Variants in CHCHD6 observed in about 807,000 individuals in gnomAD.
CHCHD6 encodes the protein MICOS complex subunit MIC25.
In CHCHD6, 28 loss-of-function variants were observed where a neutral mutation model predicts 32.3. The observed-to-expected ratio is 0.87, with a 90% CI of 0.64 to 1.19. The LOEUF (loss-of-function observed/expected upper bound fraction) is 1.19, where lower values mean the gene tolerates loss of function less well. CHCHD6 is among the 50% of genes most tolerant of loss of function. CHCHD6 has a pLI of 0.00. For missense variants in CHCHD6, 333 were observed against 307.0 expected (o/e 1.08, Z -0.63); for synonymous variants, 122 against 117.5 (o/e 1.04, Z -0.25).
At chr3:126,715,045 AG>A (rs1934945085) in intron 1 of CHCHD6, among the ~76,000 whole-genome samples, 1 of 152,154 alleles carries the variant, frequency 6.6e-6, no homozygotes, top group African/African-American at 2.4e-5. Context: ...TTTTTAAAGT[AG>A]GTTGTCTGTT....
intron 5 of CHCHD6, among the ~76,000 whole-genome samples, chr3:126,884,458 T>C (rs2077653502): frequency 6.6e-6 from 1 of 152,190 alleles, no homozygotes; most frequent in African/African-American, 2.4e-5. Flanking sequence ...TCCAGCTATC[T>C]ACCAACATTT....
At chr3:126,714,784 A>G (rs1934931392) in intron 1 of CHCHD6, among the ~76,000 whole-genome samples, 1 of 152,100 alleles carries the variant, frequency 6.6e-6, no homozygotes, top group African/African-American at 2.4e-5. Flanking sequence ...ATGGCTGCGT[A>G]GGCCTGTCTC....
At chr3:126,716,398 C>T (rs1935017955) in intron 1 of CHCHD6, among the ~76,000 whole-genome samples, 1 of 152,160 alleles carries the variant, frequency 6.6e-6, no homozygotes, top group South Asian at 2.1e-4. Context: ...CTAGCTGGAA[C>T]TCGGAGTTCC....
intron 6 of CHCHD6, chr3:126,953,306 C>A: frequency 4.7e-6 from 1 of 210,974 alleles, no homozygotes; most frequent in Non-Finnish European, 8.2e-6. Flanking sequence ...CCCTAACATG[C>A]CTGAGGAGGA....
chr3:126,843,710 A>G (rs754626135), intron 4 of CHCHD6, among the ~76,000 whole-genome samples: 1 of 152,182 alleles, frequency 6.6e-6, no homozygotes, highest in African/African-American at 2.4e-5. Flanking sequence ...TTTTTCCACT[A>G]CCACTGTCTC....
At chr3:126,725,158 A>G (rs1205648634) in intron 1 of CHCHD6, among the ~76,000 whole-genome samples, 1 of 152,232 alleles carries the variant, frequency 6.6e-6, no homozygotes, top group Admixed American at 6.5e-5. Flanking sequence ...AGGAGTCACT[A>G]TGTATGGCAG....
intron 4 of CHCHD6, among the ~76,000 whole-genome samples, chr3:126,847,151 A>G (rs143650535): frequency 6.6e-6 from 1 of 152,202 alleles, no homozygotes; most frequent in Non-Finnish European, 1.5e-5. Flanking sequence ...TGTGGTTTCT[A>G]TGGGTCAGGG....
intron 1 of CHCHD6, among the ~76,000 whole-genome samples, chr3:126,719,063 C>T (rs4679285): frequency 0.14 from 21,423 of 152,176 alleles, 1,647 homozygotes; most frequent in South Asian, 0.29. Flanking sequence ...CTGTGCAGAA[C>T]CCCCGCAGTG....
chr3:126,834,850 G>A (rs1034745187), intron 4 of CHCHD6, among the ~76,000 whole-genome samples: 8 of 152,082 alleles, frequency 5.3e-5, no homozygotes, highest in African/African-American at 4.8e-5. Context: ...CTTGACAGTC[G>A]GCAACAGCAG....
At chr3:126,891,372 G>A (rs1384043824) in intron 5 of CHCHD6, among the ~76,000 whole-genome samples, 1 of 152,148 alleles carries the variant, frequency 6.6e-6, no homozygotes, top group Non-Finnish European at 1.5e-5. Context: ...GCCCTGAGGT[G>A]GAAATGCACC....
At chr3:126,914,610 G>A in intron 5 of CHCHD6, 70 bp from the exon 6 acceptor site, 1 of 846,680 alleles carries the variant, frequency 1.2e-6, no homozygotes, top group Non-Finnish European at 2.1e-6. Flanking sequence ...TTTCTAATGT[G>A]GTTGCATCCC....
At position 126,786,994 on chromosome 3, in the gene CHCHD6, T is replaced by C. The variant is rs1340126535; in HGVS notation, c.411+53772T>C. Among the ~76,000 whole-genome samples, 4 of 152,334 alleles carry C rather than the reference T, an allele frequency of 2.6e-5. No homozygotes were observed. The East Asian group carries it at 7.7e-4, about 29-fold the overall frequency. On this transcript the variant is annotated intron_variant, in intron 4 of 7. Transcript: ENST00000290913. ...AAGTCTTTAATCCATCTTGAACTAA[T>C]TGTTGTATAAGGTGTAAGGAAAGGA...
In CHCHD6 at chr3:126,914,729, C is replaced by T; in HGVS notation, c.545C>T (p.Ser182Leu). ...LSSEQFHEAASKMESTIKPRR... is the reference protein window; with the variant it reads ...LSSEQFHEAALKMESTIKPRR... ...TCAGAGCAATTCCATGAGGCAGCCT[C>T]AAAGATGGAGAGCACAATAAAGTAA... The change falls in exon 6 of 8, where the codon TCA (serine) becomes TTA (leucine). Residue 182 changes from serine to leucine, a missense_variant. Physicochemically the swap from Ser to Leu is moderately radical, Grantham distance 145 (BLOSUM62 -2). Coordinates refer to ENST00000290913, the MANE Select transcript of CHCHD6 (RefSeq NM_032343.3). The T allele has an allele frequency of 6.3e-7, 1 of 1,587,196 alleles. No homozygotes were observed.
At chr3:126,845,447 T>A (rs1941261670) in intron 4 of CHCHD6, among the ~76,000 whole-genome samples, 1 of 152,244 alleles carries the variant, frequency 6.6e-6, no homozygotes, top group African/African-American at 2.4e-5. Context: ...AAAAGCTTCC[T>A]GCTTGGAATT....
chr3:126,864,761 C>T (rs1351668414), intron 5 of CHCHD6, among the ~76,000 whole-genome samples: 1 of 144,396 alleles, frequency 6.9e-6, no homozygotes, highest in Admixed American at 6.7e-5. Context: ...TACTCCTCCT[C>T]CACCATCACC....
intron 4 of CHCHD6, among the ~76,000 whole-genome samples, chr3:126,797,485 G>A (rs1938850964): frequency 6.6e-6 from 1 of 152,156 alleles, no homozygotes; most frequent in Non-Finnish European, 1.5e-5. Context: ...CCACTTATTT[G>A]TAGATGGAAA....
chr3:126,950,659 C>T (rs1270681350), intron 6 of CHCHD6, among the ~76,000 whole-genome samples: 1 of 152,166 alleles, frequency 6.6e-6, no homozygotes, highest in African/African-American at 2.4e-5. Context: ...CCATGCTGGC[C>T]AGGTGGGTCT....
At chr3:126,802,808 C>T (rs1047785610) in intron 4 of CHCHD6, among the ~76,000 whole-genome samples, 5 of 152,104 alleles carry the variant, frequency 3.3e-5, no homozygotes, top group African/African-American at 1.2e-4. Context: ...TAAGGTCAGC[C>T]AGAGAGAAAG....
intron 4 of CHCHD6, among the ~76,000 whole-genome samples, chr3:126,754,426 CCA>C (rs1936864143): frequency 6.6e-6 from 1 of 152,212 alleles, no homozygotes. Context: ...AGCCCCTAAG[CCA>C]TGTACCTAGC....
Sources: gnomAD v4.1 joint callset for allele counts (sites outside exome capture counted in the v4.1 genomes callset) on GRCh38, gnomAD v4.1.1 for gene constraint, MANE v1.5 for transcripts, NCBI Gene and HGNC (gene_info 2026-07-23, HGNC 2026-07-21) for gene names.